Variants in NBEA observed in about 807,000 individuals in gnomAD.
NBEA encodes lysosomal-trafficking regulator 2.
Under a neutral mutation model 343.4 loss-of-function variants are expected in NBEA, and 44 were observed. That is an observed-to-expected ratio of 0.13 (90% confidence interval 0.10 to 0.16). The LOEUF (loss-of-function observed/expected upper bound fraction) is 0.16. Ranked by LOEUF, NBEA falls within the 10% of genes least tolerant of loss-of-function variation. The pLI is 1.00. For missense variants in NBEA, 2,555 were observed against 3,631.3 expected, an observed-to-expected ratio of 0.70 and a Z score of 7.62; for synonymous variants, 1,175 against 1,238.7, an observed-to-expected ratio of 0.95 and a Z score of 1.08.
intron 10 of NBEA, among the ~76,000 whole-genome samples, chr13:35,085,980 T>C (rs1047448007): frequency 2.0e-5 from 3 of 152,092 alleles, no homozygotes; most frequent in African/African-American, 7.2e-5. Context: ...CCATTCACAA[T>C]TGCTTCAAAG....
At chr13:35,189,556 A>G (rs984253327) in intron 30 of NBEA, among the ~76,000 whole-genome samples, 3 of 152,018 alleles carry the variant, frequency 2.0e-5, no homozygotes, top group Non-Finnish European at 4.4e-5. Context: ...AAAAGGAAAA[A>G]GAGTAAAAAC....
intron 1 of NBEA, among the ~76,000 whole-genome samples, chr13:35,008,252 T>C (rs763497487): frequency 2.6e-5 from 4 of 152,196 alleles, no homozygotes; most frequent in Non-Finnish European, 5.9e-5. Flanking sequence ...GTGGTTTTAG[T>C]ATACAATTTT....
At chr13:35,661,756 A>G (rs941246251) in intron 55 of NBEA, among the ~76,000 whole-genome samples, 1 of 152,182 alleles carries the variant, frequency 6.6e-6, no homozygotes, top group African/African-American at 2.4e-5. Context: ...CCCTTTGACT[A>G]AATCCCTTAT....
intron 13 of NBEA, among the ~76,000 whole-genome samples, chr13:35,114,962 C>G (rs2066422649): frequency 1.3e-5 from 2 of 152,064 alleles, no homozygotes; most frequent in Admixed American, 6.6e-5. Context: ...TAGAACTATT[C>G]ATGTGTAGGC....
intron 10 of NBEA, among the ~76,000 whole-genome samples, chr13:35,071,661 A>G (rs546686195): frequency 6.6e-6 from 1 of 152,126 alleles, no homozygotes; most frequent in Admixed American, 6.6e-5. Context: ...GTATATATAT[A>G]CATATACATG....
At chr13:35,267,190 A>G (rs2033753384) in intron 34 of NBEA, among the ~76,000 whole-genome samples, 1 of 151,924 alleles carries the variant, frequency 6.6e-6, no homozygotes, top group Non-Finnish European at 1.5e-5. Flanking sequence ...AAGTGGACAC[A>G]GGCAGTTCAA....
intron 1 of NBEA, among the ~76,000 whole-genome samples, chr13:34,952,484 A>G (rs1020200997): frequency 7.2e-5 from 11 of 152,166 alleles, no homozygotes; most frequent in Non-Finnish European, 1.3e-4. Context: ...TTGAGGGATT[A>G]CTCTGAACCA....
chr13:35,222,851 G>A (rs189440017), intron 33 of NBEA, among the ~76,000 whole-genome samples: 63 of 152,272 alleles, frequency 4.1e-4, no homozygotes, highest in Admixed American at 3.4e-3. Flanking sequence ...ACAGTAGGCC[G>A]GGCATGGTGG....
chr13:35,655,251 C>G (rs1246544404), intron 54 of NBEA, among the ~76,000 whole-genome samples: 1 of 152,152 alleles, frequency 6.6e-6, no homozygotes, highest in Non-Finnish European at 1.5e-5. Flanking sequence ...CCCACAAATT[C>G]ATATGCAGTA....
chr13:35,474,773 G>GAAAA (rs1443452713), intron 41 of NBEA: 5 of 336,240 alleles, frequency 1.5e-5, no homozygotes, highest in Non-Finnish European at 2.7e-5. Context: ...CGTTACAGCT[G>GAAAA]GGCTGTTTAC....
chr13:35,222,024 C>T (rs935122431), intron 33 of NBEA, among the ~76,000 whole-genome samples: 2 of 152,038 alleles, frequency 1.3e-5, no homozygotes, highest in Non-Finnish European at 2.9e-5. Flanking sequence ...TTTAGTTGTT[C>T]TCAGCAGGAG....
chr13:35,352,042 A>G (rs1367655375), intron 37 of NBEA, 115 bp from the exon 38 acceptor site: 11 of 512,346 alleles, frequency 2.1e-5, no homozygotes, highest in Non-Finnish European at 3.4e-5. Flanking sequence ...AAAAGATTAC[A>G]TTATTTGAGT....
At chr13:35,102,070 G>A (rs2065672827) in intron 11 of NBEA, among the ~76,000 whole-genome samples, 1 of 151,534 alleles carries the variant, frequency 6.6e-6, no homozygotes, top group Non-Finnish European at 1.5e-5. Flanking sequence ...TATATGGTAT[G>A]AGGTATAAGG....
chr13:35,225,158 C>T (rs1164660914), intron 33 of NBEA, among the ~76,000 whole-genome samples: 1 of 152,054 alleles, frequency 6.6e-6, no homozygotes, highest in Non-Finnish European at 1.5e-5. Context: ...GCTTGCAAGC[C>T]TGGTGTTCAA....
At chr13:35,123,058 G>C (rs1013370658) in intron 16 of NBEA, among the ~76,000 whole-genome samples, 1 of 152,280 alleles carries the variant, frequency 6.6e-6, no homozygotes, top group East Asian at 1.9e-4. Flanking sequence ...TTGGGAGGCC[G>C]AGGTGGTCGA....
At chr13:35,009,990 T>C (rs1443343031) in intron 1 of NBEA, among the ~76,000 whole-genome samples, 1 of 152,160 alleles carries the variant, frequency 6.6e-6, no homozygotes, top group Non-Finnish European at 1.5e-5. Flanking sequence ...GAAAGCTCGC[T>C]AGAGGATCTA....
At chr13:35,158,016 T>C (rs1163389553) in intron 21 of NBEA, among the ~76,000 whole-genome samples, 1 of 152,160 alleles carries the variant, frequency 6.6e-6, no homozygotes, top group Non-Finnish European at 1.5e-5. Flanking sequence ...CTATAGCCTC[T>C]GATGCAGCTA....
intron 39 of NBEA, among the ~76,000 whole-genome samples, chr13:35,449,855 A>G (rs1345241626): frequency 6.6e-6 from 1 of 152,150 alleles, no homozygotes; most frequent in Non-Finnish European, 1.5e-5. Flanking sequence ...TCTCTGAAGT[A>G]TTTATCAAAA....
chr13:35,659,825 G>A (rs1258413374), intron 55 of NBEA, among the ~76,000 whole-genome samples: 5 of 152,170 alleles, frequency 3.3e-5, no homozygotes, highest in Non-Finnish European at 5.9e-5. Flanking sequence ...TAACAGAATT[G>A]CAAAGATGTG....
Sources: gnomAD v4.1 joint callset for allele counts (sites outside exome capture counted in the v4.1 genomes callset) on GRCh38, gnomAD v4.1.1 for gene constraint, MANE v1.5 for transcripts, NCBI Gene and HGNC (gene_info 2026-07-23, HGNC 2026-07-21) for gene names.